Variants in KIAA0753 observed in about 807,000 individuals in gnomAD.
KIAA0753 encodes the protein protein moonraker.
Under a neutral mutation model 116.9 loss-of-function variants are expected in KIAA0753, and 114 were observed. The observed-to-expected ratio is 0.98, with a 90% CI of 0.84 to 1.14. The LOEUF is 1.14. Among genes scored for constraint, KIAA0753 ranks in the 50% most tolerant of loss-of-function variants. The probability of loss-of-function intolerance (pLI) is 0.00; values close to 1 mark genes in which losing one functional copy is unlikely to be tolerated. For missense variants in KIAA0753, 1,156 were observed against 1,172.4 expected (o/e 0.99, Z 0.20); for synonymous variants, 405 against 413.1 (o/e 0.98, Z 0.24).
At chr17:6,635,217 GA>G (rs943201414) in intron 1 of KIAA0753, 46 bp from the exon 2 acceptor site, 3 of 737,918 alleles carry the variant, frequency 4.1e-6, no homozygotes, top group Admixed American at 2.1e-5. Context: ...TTGAACAAGG[GA>G]AAAGAACAGA....
chr17:6,635,201 A>C (rs1201897638), intron 1 of KIAA0753, 30 bp from the exon 2 acceptor site: 1 of 836,230 alleles, frequency 1.2e-6, no homozygotes, highest in South Asian at 1.4e-5. Context: ...CTTCAGACCA[A>C]CAGCGTTGAA....
In KIAA0753 at chr17:6,628,702, T is replaced by C; in HGVS notation, c.133A>G (p.Ser45Gly). Residue 45 changes from serine (S) to glycine (G), a missense_variant, in exon 3 of 19, where the codon AGC becomes GGC. Ser to Gly is a moderately conservative substitution (Grantham distance 56). Transcript: ENST00000361413. ...QFNRNVPTHS[S>G]NLAIRYSCPH... ...CAAGAATATCGGATCGCCAAGTTGC[T>C]TGAATGTGTAGGAACATTCCTATTA... 4 of 1,613,068 alleles carry C rather than the reference T, an allele frequency of 2.5e-6. 1 individual carries two copies. Among genetic ancestry groups the C allele is most frequent in the South Asian group, 2.2e-5 (2 of 90,782 alleles).
chr17:6,628,500 T>C lies in KIAA0753; in HGVS notation c.335A>G (p.Gln112Arg). 2 of 1,614,226 alleles carry C rather than the reference T, an allele frequency of 1.2e-6. No individual in the cohort carries two copies. Among genetic ancestry groups the C allele is most frequent in the Non-Finnish European group, 1.7e-6 (2 of 1,180,032 alleles). The change falls in exon 3 of 19, where the codon CAA becomes CGA. Residue 112 changes from glutamine to arginine, a missense_variant. Gln to Arg is a conservative substitution (Grantham distance 43, BLOSUM62 1). Coordinates refer to ENST00000361413, the MANE Select transcript of KIAA0753 (RefSeq NM_014804.3). ...HLARRDVKRR[Q>R]FEKHIKEHHL... ...ATGTTCTTTTATATGTTTTTCAAATTGTCTTCGTTTCACATCTCTTCTGGC... is the reference window on the plus strand; with the variant it reads ...ATGTTCTTTTATATGTTTTTCAAATCGTCTTCGTTTCACATCTCTTCTGGC...
intron 7 of KIAA0753, among the ~76,000 whole-genome samples, chr17:6,618,515 G>T (rs1971084598): frequency 6.6e-6 from 1 of 152,180 alleles, no homozygotes; most frequent in Non-Finnish European, 1.5e-5. Context: ...GGGAGATAGT[G>T]TCAGAATTGA....
At position 6,623,091 on chromosome 17, in the gene KIAA0753, C is replaced by G; in HGVS notation, c.895G>C (p.Ala299Pro). 1.9e-6 allele frequency: 3 copies of G among 1,612,192 alleles called. No individual in the cohort carries two copies. Among genetic ancestry groups the G allele is most frequent in the Non-Finnish European group, 2.5e-6 (3 of 1,179,274 alleles). The stretch of plus-strand genomic sequence containing the variant: ...TGGGCAGCCGCCAGCTTAGACATTG[C>G]CCATGACTGGTAATAAACAAGATGA... ...HKIKHTKKSW[A>P]MSKLAAAHRG... The change falls in exon 6 of 19, where the codon GCA becomes CCA. Residue 299 changes from alanine to proline, a missense_variant. By Grantham distance (27) the Ala-to-Pro change is conservative (BLOSUM62 -1). Transcript: ENST00000361413.
Position 6,606,835 on chromosome 17 carries a change from C to T in KIAA0753, c.2009+38G>A, listed in dbSNP as rs755293485. ...AACTATCTAGATCAATTAGAACAGG[C>T]AAACATCCACTATTCTTCCTAAGAA... is the stretch of plus-strand genomic sequence containing the variant. On this transcript the variant is annotated intron_variant, in intron 12 of 18. Transcript: ENST00000361413. The T allele has an allele frequency of 1.9e-6, 3 of 1,551,738 alleles. No homozygotes were observed. In the South Asian group the frequency reaches 3.3e-5, roughly 17 times the overall value.
intron 18 of KIAA0753, among the ~76,000 whole-genome samples, chr17:6,589,333 C>T (rs1285834391): frequency 1.3e-5 from 2 of 152,196 alleles, no homozygotes; most frequent in African/African-American, 2.4e-5. Context: ...AGAGGGCCCT[C>T]GACAGACACT....
At position 6,588,942 on chromosome 17, in the gene KIAA0753, T is replaced by C. The variant is rs190173488; in HGVS notation, c.2786+837A>G. Reference sequence around the variant, plus strand: ...TGTTGCAAAATCAGAGGCCTGCTACTGATAAAAGCAAATTTGTCCCCACCA... The same window carrying C: ...TGTTGCAAAATCAGAGGCCTGCTACCGATAAAAGCAAATTTGTCCCCACCA... On this transcript the variant is annotated intron_variant, in intron 18 of 18. Coordinates refer to ENST00000361413, the MANE Select transcript of KIAA0753 (RefSeq NM_014804.3). Among the ~76,000 whole-genome samples the C allele has an allele frequency of 2.1e-3, 320 of 152,318 alleles. 2 individuals carry two copies. Among genetic ancestry groups the C allele is most frequent in the African/African-American group, 7.5e-3 (313 of 41,582 alleles).
At chr17:6,634,896 T>C (rs1480920765) in intron 2 of KIAA0753, 115 bp downstream of exon 2, 10 of 690,932 alleles carry the variant, frequency 1.4e-5, no homozygotes, top group African/African-American at 5.4e-5. Context: ...ACAGAAAAAA[T>C]TGTTAGCAAT....
At chr17:6,612,694 C>T (rs1025619821) in intron 7 of KIAA0753, among the ~76,000 whole-genome samples, 1 of 152,104 alleles carries the variant, frequency 6.6e-6, no homozygotes, top group African/African-American at 2.4e-5. Context: ...ATGGTGAAAC[C>T]CCATCTCTAC....
At chr17:6,631,741 T>A (rs1972031940) in intron 2 of KIAA0753, among the ~76,000 whole-genome samples, 1 of 152,132 alleles carries the variant, frequency 6.6e-6, no homozygotes, top group African/African-American at 2.4e-5. Flanking sequence ...CCTAAAACAA[T>A]GACATGATAG....
At chr17:6,609,967 CA>C in intron 9 of KIAA0753, 26 bp downstream of exon 9, 1 of 1,612,124 alleles carries the variant, frequency 6.2e-7, no homozygotes, top group Non-Finnish European at 8.5e-7. Flanking sequence ...ATCACATACA[CA>C]AACGGTCCCT....
At chr17:6,604,910 A>G (rs1970095958) in intron 12 of KIAA0753, among the ~76,000 whole-genome samples, 1 of 152,126 alleles carries the variant, frequency 6.6e-6, no homozygotes, top group South Asian at 2.1e-4. Context: ...ATCAGCTAAT[A>G]AAGACATTTT....
At chr17:6,624,647 T>C (rs1043963275) in intron 4 of KIAA0753, 108 bp downstream of exon 4, 1 of 679,552 alleles carries the variant, frequency 1.5e-6, no homozygotes, top group South Asian at 1.7e-5. Context: ...TCAGAACTCA[T>C]ATGGGATACT....
chr17:6,627,965 A>G, intron 3 of KIAA0753, 152 bp downstream of exon 3: 1 of 698,580 alleles, frequency 1.4e-6, no homozygotes, highest in Non-Finnish European at 2.4e-6. Flanking sequence ...TCCAAGCCTA[A>G]CTGTCTTGTC....
At chr17:6,605,608 C>T (rs1318042410) in intron 12 of KIAA0753, among the ~76,000 whole-genome samples, 1 of 152,048 alleles carries the variant, frequency 6.6e-6, no homozygotes, top group Admixed American at 6.5e-5. Flanking sequence ...TCTCAGTTTT[C>T]AAAATTAAAC....
intron 2 of KIAA0753, among the ~76,000 whole-genome samples, chr17:6,631,411 A>G (rs1972014280): frequency 6.6e-6 from 1 of 152,254 alleles, no homozygotes; most frequent in African/African-American, 2.4e-5. Context: ...GAACTGAGCA[A>G]AAAAGTAAAT....
Position 6,600,198 on chromosome 17 carries a change from C to T in KIAA0753, c.2088+182G>A, listed in dbSNP as rs2289640. On this transcript the variant is annotated intron_variant, in intron 13 of 18. Transcript: ENST00000361413. ...CAAAAGGAGGACTTTCCCCTTGTCC[C>T]TTTATCTCTATCCCTTTTCCACAAT... 0.31 allele frequency among the ~76,000 whole-genome samples: 46,440 copies of T among 152,054 alleles called. 7,973 individuals are homozygous for T. The highest frequency in any genetic ancestry group is 0.39 in the Admixed American group (5,977 of 15,272).
At position 6,597,844 on chromosome 17, in the gene KIAA0753, A is replaced by G. The variant is rs558882850; in HGVS notation, c.2172+1393T>C. On this transcript the variant is annotated intron_variant, in intron 14 of 18. Coordinates refer to ENST00000361413, the MANE Select transcript of KIAA0753 (RefSeq NM_014804.3). ...GTGTTCAAGGTCTCCCAGGTCTTTT[A>G]TAAGTTAACATAGTAAAAACAGTTT... Among the ~76,000 whole-genome samples, 24 of 152,356 alleles carry G rather than the reference A, an allele frequency of 1.6e-4. No individual in the cohort carries two copies. In the South Asian group the frequency reaches 5.0e-3, roughly 32 times the overall value.
Sources: gnomAD v4.1 joint callset for allele counts (sites outside exome capture counted in the v4.1 genomes callset) on GRCh38, gnomAD v4.1.1 for gene constraint, MANE v1.5 for transcripts, NCBI Gene and HGNC (gene_info 2026-07-23, HGNC 2026-07-21) for gene names.